The following PPP1R1C variants were observed in gnomAD, a reference collection of about 807,000 sequenced individuals.
The protein encoded by PPP1R1C is protein phosphatase 1 regulatory subunit 1C.
A neutral mutation model predicts 17.4 loss-of-function variants in PPP1R1C; 15 were observed. The observed-to-expected ratio is 0.86, with a 90% CI of 0.58 to 1.33. The LOEUF (loss-of-function observed/expected upper bound fraction) is 1.33, where lower values mean the gene tolerates loss of function less well. Among genes scored for constraint, PPP1R1C ranks in the 40% most tolerant of loss-of-function variants. PPP1R1C has a pLI of 0.00. For synonymous variants in PPP1R1C, 35 were observed against 43.1 expected, an observed-to-expected ratio of 0.81 and a Z score of 0.73; for missense variants, 143 against 130.0, an observed-to-expected ratio of 1.10 and a Z score of -0.48.
intron 2 of PPP1R1C, among the ~76,000 whole-genome samples, chr2:182,015,821 C>T (rs1332534343): frequency 3.9e-5 from 6 of 152,060 alleles, no homozygotes; most frequent in African/African-American, 1.4e-4. Context: ...GTCTGCTCTT[C>T]TCAAGCAGAG....
chr2:181,958,334 C>T (rs1287429791), intron 1 of PPP1R1C, among the ~76,000 whole-genome samples: 4 of 152,204 alleles, frequency 2.6e-5, no homozygotes, highest in Non-Finnish European at 5.9e-5. Context: ...CATAAACTCC[C>T]TGGCACTTCC....
intron 2 of PPP1R1C, among the ~76,000 whole-genome samples, chr2:182,005,768 T>A (rs1214415594): frequency 1.3e-5 from 2 of 152,186 alleles, no homozygotes; most frequent in Admixed American, 1.3e-4. Context: ...GGTAGTGTGG[T>A]ATAACAGAAG....
intron 2 of PPP1R1C, among the ~76,000 whole-genome samples, chr2:182,014,719 GC>G (rs1295781965): frequency 6.6e-6 from 1 of 151,972 alleles, no homozygotes; most frequent in Non-Finnish European, 1.5e-5. Context: ...CCTACTTGGT[GC>G]TCCTTTCTAC....
chr2:181,957,508 T>C lies in PPP1R1C; in HGVS notation n.111+2874T>C, dbSNP rs1183308275. On this transcript the variant is annotated intron_variant and non_coding_transcript_variant, in intron 1 of 5. Transcript: ENST00000464264. This position sits in a 1 kb window ranked among gnomAD's most constrained non-coding sequence, Gnocchi z 4.2. Reference sequence around the variant, plus strand: ...ATATTATTAAGTCCCTTTAACTTACTGAATCATAACAGACATTCATTCCAT... The same window carrying C: ...ATATTATTAAGTCCCTTTAACTTACCGAATCATAACAGACATTCATTCCAT... 1.3e-5 allele frequency among the ~76,000 whole-genome samples: 2 copies of C among 152,244 alleles called. No individual in the cohort carries two copies. The highest frequency in any genetic ancestry group is 2.4e-5 in the African/African-American group (1 of 41,462).
chr2:182,024,495 T>C (rs1354069775), intron 2 of PPP1R1C, among the ~76,000 whole-genome samples: 1 of 152,148 alleles, frequency 6.6e-6, no homozygotes, highest in Non-Finnish European at 1.5e-5. Flanking sequence ...AAAGAGCTGT[T>C]ACCTCTCGGT....
At position 181,961,779 on chromosome 2, in the gene PPP1R1C, G is replaced by A. The variant is rs1200994011; in HGVS notation, n.111+7145G>A. On this transcript the variant is annotated intron_variant and non_coding_transcript_variant, in intron 1 of 5. Coordinates refer to the PPP1R1C transcript ENST00000464264. This position sits in a 1 kb window ranked among gnomAD's most constrained non-coding sequence, Gnocchi z 5.8. ...GAGATTTGGGGGCATCTACCTCCAC[G>A]GTCAACTCAGAGCTGGCAATCTGGG... 3.1e-6 allele frequency: 4 copies of A among 1,310,030 alleles called. No homozygotes were observed. Among genetic ancestry groups the A allele is most frequent in the East Asian group, 2.3e-5 (1 of 43,416 alleles). 81.2% of individuals were successfully genotyped at this position (1,310,030 alleles called of 1,614,324 possible).
At chr2:182,087,751 A>G (rs1409380249) in intron 4 of PPP1R1C, among the ~76,000 whole-genome samples, 1 of 152,216 alleles carries the variant, frequency 6.6e-6, no homozygotes, top group South Asian at 2.1e-4. Flanking sequence ...TGAATAAATG[A>G]AGGAGAATTA....
chr2:182,106,636 T>C (rs1689261823), intron 4 of PPP1R1C, among the ~76,000 whole-genome samples: 2 of 152,186 alleles, frequency 1.3e-5, no homozygotes, highest in Admixed American at 1.3e-4. Flanking sequence ...TCTTTTTTGG[T>C]ACACTTGGGC....
intron 4 of PPP1R1C, among the ~76,000 whole-genome samples, chr2:182,097,841 C>G (rs559952728): frequency 2.6e-4 from 39 of 152,258 alleles, no homozygotes; most frequent in African/African-American, 9.4e-4. Flanking sequence ...TTATAATATA[C>G]TGATCATTTT....
At chr2:182,027,400 A>C (rs375866743) in intron 2 of PPP1R1C, among the ~76,000 whole-genome samples, 1,561 of 131,062 alleles carry the variant, frequency 0.012, 15 homozygotes, top group South Asian at 0.034. Flanking sequence ...TACCTAATTT[A>C]TTGAGAGTTT....
At chr2:182,056,395 T>A (rs191499138) in intron 2 of PPP1R1C, among the ~76,000 whole-genome samples, 1 of 152,364 alleles carries the variant, frequency 6.6e-6, no homozygotes, top group African/African-American at 2.4e-5. Flanking sequence ...TGTGGCTCTA[T>A]CTTTTTAGTC....
At chr2:181,956,290 G>A (rs2125129128) in intron 1 of PPP1R1C, among the ~76,000 whole-genome samples, 1 of 152,258 alleles carries the variant, frequency 6.6e-6, no homozygotes, top group Middle Eastern at 3.4e-3. Context: ...TCTTTATCCA[G>A]TCTATCATTG....
intron 4 of PPP1R1C, among the ~76,000 whole-genome samples, chr2:182,080,244 A>G (rs896629036): frequency 6.6e-6 from 1 of 152,112 alleles, no homozygotes; most frequent in African/African-American, 2.4e-5. Flanking sequence ...ACATCCCCCA[A>G]TAGTCTGCTC....
At chr2:181,965,055 T>G (rs1373584601) in intron 1 of PPP1R1C, among the ~76,000 whole-genome samples, 1 of 152,222 alleles carries the variant, frequency 6.6e-6, no homozygotes, top group Non-Finnish European at 1.5e-5. Flanking sequence ...TCAATGATGT[T>G]GAGTGCCTTT....
chr2:181,982,673 G>A (rs1435507216), upstream of PPP1R1C, among the ~76,000 whole-genome samples: 3 of 152,174 alleles, frequency 2.0e-5, no homozygotes, highest in African/African-American at 7.2e-5. Context: ...AGGGAGCGGG[G>A]AGGCAGGATG....
chr2:182,051,865 C>G (rs930374690), intron 2 of PPP1R1C, among the ~76,000 whole-genome samples: 1 of 151,944 alleles, frequency 6.6e-6, no homozygotes, highest in Non-Finnish European at 1.5e-5. Flanking sequence ...TGTGATAATA[C>G]TGGTGCGCAT....
At chr2:182,089,714 T>G (rs557488775) in intron 4 of PPP1R1C, among the ~76,000 whole-genome samples, 2 of 152,278 alleles carry the variant, frequency 1.3e-5, no homozygotes, top group South Asian at 4.1e-4. Flanking sequence ...AGAGGGTAGT[T>G]TCCTTTATTC....
intron 2 of PPP1R1C, among the ~76,000 whole-genome samples, chr2:182,055,393 C>G (rs974191238): frequency 6.6e-6 from 1 of 152,134 alleles, no homozygotes; most frequent in Non-Finnish European, 1.5e-5. Flanking sequence ...AGAGAGGTAG[C>G]AAAATCTATG....
intron 2 of PPP1R1C, among the ~76,000 whole-genome samples, chr2:182,049,626 G>T (rs1430938340): frequency 6.6e-6 from 1 of 152,078 alleles, no homozygotes; most frequent in Non-Finnish European, 1.5e-5. Flanking sequence ...CCCAAAACAT[G>T]CAGGGGTTTA....
Sources: gnomAD v4.1 joint callset for allele counts (sites outside exome capture counted in the v4.1 genomes callset) on GRCh38, gnomAD v4.1.1 for gene constraint, Gnocchi (gnomAD v3.1) non-coding constraint, MANE v1.5 for transcripts, NCBI Gene and HGNC (gene_info 2026-07-23, HGNC 2026-07-21) for gene names.